The following GNAL variants were observed in gnomAD, a reference collection of about 807,000 sequenced individuals.
The protein encoded by GNAL is G protein subunit alpha L, also known as guanine nucleotide-binding protein G(olf) subunit alpha.
GNAL carries 18 observed loss-of-function variants against 55.1 expected under a neutral mutation model. The observed-to-expected ratio is 0.33, with a 90% CI of 0.23 to 0.48. The LOEUF (loss-of-function observed/expected upper bound fraction) is 0.48. Among genes scored for constraint, GNAL ranks in the 20% least tolerant of loss-of-function variants. The pLI, the probability that GNAL is intolerant of heterozygous loss-of-function variation, is 0.99. For synonymous variants in GNAL, 253 were observed against 237.0 expected, an observed-to-expected ratio of 1.07 and a Z score of -0.62; for missense variants, 412 against 614.1, an observed-to-expected ratio of 0.67 and a Z score of 3.48.
At chr18:11,801,760 A>G (rs2034528545) in intron 4 of GNAL, among the ~76,000 whole-genome samples, 1 of 152,152 alleles carries the variant, frequency 6.6e-6, no homozygotes, top group African/African-American at 2.4e-5. Context: ...TAGCAAGAGA[A>G]GCATCAGGGA....
intron 5 of GNAL, among the ~76,000 whole-genome samples, chr18:11,841,373 C>T (rs985375621): frequency 5.3e-5 from 8 of 151,996 alleles, no homozygotes; most frequent in African/African-American, 1.7e-4. Context: ...CTGCTAGGGC[C>T]GGGCACGGTG....
intron 4 of GNAL, among the ~76,000 whole-genome samples, chr18:11,788,914 A>AAAAAAAAAATATATATATAT (rs60071996): frequency 1.8e-5 from 1 of 56,302 alleles, no homozygotes; most frequent in African/African-American, 1.0e-4. Context: ...AAAAAAAAAA[A>AAAAAAAAAATATATATATAT]ATATATATAT....
intron 4 of GNAL, among the ~76,000 whole-genome samples, chr18:11,816,600 A>AT (rs1568040097): frequency 6.6e-6 from 1 of 151,802 alleles, no homozygotes; most frequent in Non-Finnish European, 1.5e-5. Context: ...GGCCACTCTA[A>AT]TTTTTTTTAA....
rs1315945877 is a variant in GNAL, at chr18:11,769,025, ATATAT to A, written c.624+15086_624+15090del. Among the ~76,000 whole-genome samples the A allele has an allele frequency of 2.0e-4, 17 of 84,810 alleles. 1 individual carries two copies. The highest frequency in any genetic ancestry group is 5.6e-4 in the Admixed American group (4 of 7,178). 55.6% of individuals were successfully genotyped at this position (84,810 alleles called of 152,430 possible). A position where few individuals can be genotyped will look rare whatever the true frequency, so the allele number is the denominator to read the frequency against. Reference sequence around the variant, plus strand: ...TAGAATATATATATTCTATATTATAATATATTATATATAATATATAATATATATAA... The same window carrying A: ...TAGAATATATATATTCTATATTATAATATATATAATATATAATATATATAA... On this transcript the variant is annotated intron_variant, in intron 4 of 11. Transcript: ENST00000334049.
intron 4 of GNAL, among the ~76,000 whole-genome samples, chr18:11,793,283 A>G (rs1450232370): frequency 6.6e-6 from 1 of 152,246 alleles, no homozygotes; most frequent in Non-Finnish European, 1.5e-5. Flanking sequence ...CAGAATATAT[A>G]AAGAATTTTT....
At chr18:11,825,729 CAAAAAAA>C (rs60460793) in intron 5 of GNAL, among the ~76,000 whole-genome samples, 1 of 76,928 alleles carries the variant, frequency 1.3e-5, no homozygotes, top group South Asian at 6.6e-4. Context: ...GACTCTGTCT[CAAAAAAA>C]AAAAAAAAAA....
At chr18:11,766,563 C>T (rs142826741) in intron 4 of GNAL, among the ~76,000 whole-genome samples, 2 of 152,328 alleles carry the variant, frequency 1.3e-5, no homozygotes, top group East Asian at 3.9e-4. Flanking sequence ...GGGCGATCTT[C>T]TCAACCTACT....
intron 4 of GNAL, among the ~76,000 whole-genome samples, chr18:11,765,109 A>G (rs547869785): frequency 2.5e-4 from 38 of 152,338 alleles, no homozygotes; most frequent in Non-Finnish European, 3.8e-4. Flanking sequence ...CATGCTCTTG[A>G]TAATAAAAGC....
At chr18:11,864,898 C>T (rs1234552139) in intron 7 of GNAL, among the ~76,000 whole-genome samples, 1 of 152,148 alleles carries the variant, frequency 6.6e-6, no homozygotes, top group East Asian at 1.9e-4. Flanking sequence ...CTTTCAGATG[C>T]ACAGTCACAG....
intron 1 of GNAL, 71 bp downstream of exon 1, chr18:11,690,010 C>A (rs1341500862): frequency 4.2e-5 from 39 of 933,926 alleles, no homozygotes; most frequent in Non-Finnish European, 4.9e-5. Context: ...CGGCGGGCAC[C>A]GGGGAGCGGT....
Position 11,885,612 on chromosome 18 carries a change from T to C in GNAL, c.*4477T>C, listed in dbSNP as rs1343731810. 8 of 1,552,162 alleles carry C rather than the reference T, an allele frequency of 5.2e-6. No individual in the cohort carries two copies. The highest frequency in any genetic ancestry group is 7.0e-6 in the Non-Finnish European group (8 of 1,138,990). On this transcript the variant is annotated 3_prime_UTR_variant, in exon 12 of 12. Transcript: ENST00000334049. Reference sequence around the variant, plus strand: ...TTGACCGATTGCAGCAATTAAATAGTTGATTACTGTGTTGATTTAAATACT... The same window carrying C: ...TTGACCGATTGCAGCAATTAAATAGCTGATTACTGTGTTGATTTAAATACT...
chr18:11,794,601 T>C (rs936116632), intron 4 of GNAL, among the ~76,000 whole-genome samples: 1 of 152,116 alleles, frequency 6.6e-6, no homozygotes, highest in Admixed American at 6.5e-5. Context: ...AGTGACCACC[T>C]GGTGGGCACA....
chr18:11,741,329 A>T (rs957806201), intron 1 of GNAL, among the ~76,000 whole-genome samples: 3 of 152,228 alleles, frequency 2.0e-5, no homozygotes, highest in African/African-American at 7.2e-5. Flanking sequence ...TTCTATAATC[A>T]TCAAATGAGA....
rs2032828039 is a variant in GNAL, at chr18:11,751,566, T to C, written c.377-1287T>C. ...AATATGCATGATCCTCCGCGAGTCT[T>C]CGCCCGCCAGGAGCAGGGACGCGTC... is the stretch of plus-strand genomic sequence containing the variant. On this transcript the variant is annotated intron_variant, in intron 1 of 11. Transcript: ENST00000334049. The surrounding 1 kb of genome is among the most constrained non-coding windows in gnomAD (Gnocchi z 4.5). 1.0e-6 allele frequency: 1 copy of C among 985,408 alleles called. No homozygotes were observed. The highest frequency in any genetic ancestry group is 1.2e-6 in the Non-Finnish European group (1 of 829,948). 61.0% of individuals were successfully genotyped at this position (985,408 alleles called of 1,614,324 possible). A position where few individuals can be genotyped will look rare whatever the true frequency, so the allele number is the denominator to read the frequency against.
At chr18:11,746,192 T>C (rs181644535) in intron 1 of GNAL, 4 of 544,726 alleles carry the variant, frequency 7.3e-6, no homozygotes, top group Non-Finnish European at 1.1e-5. Context: ...TGGAAATGGT[T>C]AAATATCATC....
At chr18:11,873,339 T>C (rs1410966297) in intron 10 of GNAL, among the ~76,000 whole-genome samples, 1 of 152,240 alleles carries the variant, frequency 6.6e-6, no homozygotes, top group Admixed American at 6.5e-5. Flanking sequence ...GGGAGAGGCA[T>C]TATATAAGTA....
intron 1 of GNAL, among the ~76,000 whole-genome samples, chr18:11,733,776 A>G (rs1043302810): frequency 2.6e-5 from 4 of 151,760 alleles, no homozygotes; most frequent in African/African-American, 9.7e-5. Context: ...AGGGACGATT[A>G]CTTACTGGGT....
Position 11,752,899 on chromosome 18 carries a change from C to T in GNAL, c.423C>T (p.Ile141=), listed in dbSNP as rs917198471. The T allele has an allele frequency of 6.2e-6, 10 of 1,607,160 alleles. No homozygotes were observed. In the African/African-American group the frequency reaches 1.3e-4, roughly 21 times the overall value. Residue 141 remains isoleucine (I), a synonymous_variant, in exon 2 of 12, where the codon ATC becomes ATT. Coordinates refer to ENST00000334049, the MANE Select transcript of GNAL (RefSeq NM_182978.4). The surrounding 1 kb of genome is among the most constrained non-coding windows in gnomAD (Gnocchi z 4.5). ...GKSTIVKQMR[I]LHVNGFNPEE... ...GCACTATCGTCAAACAGATGAGGAT[C>T]CTGCACGTCAATGGGTTTAATCCCG... is the stretch of plus-strand genomic sequence containing the variant.
At chr18:11,859,222 G>T (rs555824910) in intron 5 of GNAL, among the ~76,000 whole-genome samples, 2 of 152,106 alleles carry the variant, frequency 1.3e-5, no homozygotes, top group South Asian at 4.2e-4. Context: ...CAAAAGTTGC[G>T]ACCATTTCTG....
Sources: allele counts gnomAD v4.1 joint callset (sites outside exome capture counted in the v4.1 genomes callset), GRCh38; gene constraint gnomAD v4.1.1; non-coding constraint Gnocchi (gnomAD v3.1); transcripts MANE v1.5; gene names NCBI Gene and HGNC (gene_info 2026-07-23, HGNC 2026-07-21).